Variants in PTPRS observed in about 807,000 individuals in gnomAD.
PTPRS encodes receptor-type tyrosine-protein phosphatase S.
Under a neutral mutation model 215.3 loss-of-function variants are expected in PTPRS, and 63 were observed. The ratio of observed to expected loss-of-function variants is 0.29; its 90% confidence interval spans 0.24 to 0.36. The LOEUF (loss-of-function observed/expected upper bound fraction) is 0.36. Among genes scored for constraint, PTPRS ranks in the 10% least tolerant of loss-of-function variants. The probability of loss-of-function intolerance (pLI) is 1.00; values close to 1 mark genes in which losing one functional copy is unlikely to be tolerated. For missense variants in PTPRS, 2,258 were observed against 2,825.8 expected, an observed-to-expected ratio of 0.80 and a Z score of 4.56; for synonymous variants, 1,404 against 1,191.4, an observed-to-expected ratio of 1.18 and a Z score of -3.68.
intron 9 of PTPRS, 102 bp from the exon 10 acceptor site, chr19:5,246,147 G>A: frequency 1.7e-6 from 1 of 593,130 alleles, no homozygotes; most frequent in South Asian, 7.1e-5. Flanking sequence ...AAGAAAAGCA[G>A]GAAGGAAGAA....
intron 17 of PTPRS, among the ~76,000 whole-genome samples, chr19:5,224,546 A>C (rs958399085): frequency 6.6e-6 from 1 of 152,186 alleles, no homozygotes; most frequent in African/African-American, 2.4e-5. Context: ...GGATCAGGCA[A>C]AGAAGGGGGA....
chr19:5,272,627 A>G (rs1337650933), intron 4 of PTPRS, among the ~76,000 whole-genome samples: 1 of 130,732 alleles, frequency 7.6e-6, no homozygotes, highest in African/African-American at 2.9e-5. Flanking sequence ...AAAAAAAAAA[A>G]AAAAAAAAAA....
chr19:5,335,667 G>A (rs1380420214), intron 1 of PTPRS, among the ~76,000 whole-genome samples: 1 of 152,164 alleles, frequency 6.6e-6, no homozygotes, highest in Non-Finnish European at 1.5e-5. Context: ...AACATAAAGA[G>A]TACGAGATGA....
At chr19:5,272,073 C>T (rs1383260529) in intron 4 of PTPRS, among the ~76,000 whole-genome samples, 1 of 152,078 alleles carries the variant, frequency 6.6e-6, no homozygotes, top group Non-Finnish European at 1.5e-5. Context: ...GTTCATTAAC[C>T]TGCCCTAGGT....
chr19:5,212,673 G>T (rs1267296565), intron 30 of PTPRS, among the ~76,000 whole-genome samples, 182 bp from the exon 31 acceptor site: 1 of 152,238 alleles, frequency 6.6e-6, no homozygotes, highest in South Asian at 2.1e-4. Context: ...GAGAAACCTC[G>T]TCTCAACTAA....
At chr19:5,207,814 C>T (rs1163992733) in intron 37 of PTPRS, 108 bp downstream of exon 37, 3 of 1,500,560 alleles carry the variant, frequency 2.0e-6, no homozygotes, top group Non-Finnish European at 1.8e-6. Flanking sequence ...CCCACAGTGA[C>T]CCAGAGAGTC....
chr19:5,257,931 G>T lies in PTPRS; in HGVS notation c.706+86C>A. 2 of 1,198,894 alleles carry T rather than the reference G, an allele frequency of 1.7e-6. No homozygotes were observed. The highest frequency in any genetic ancestry group is 1.2e-6 in the Non-Finnish European group (1 of 833,694). The allele number at this position is 1,198,894 out of a possible 1,614,324, so 74.3% of individuals were successfully genotyped here. A position where few individuals can be genotyped will look rare whatever the true frequency, so the allele number is the denominator to read the frequency against. On this transcript the variant is annotated intron_variant, in intron 8 of 37. Transcript: ENST00000262963. The surrounding 1 kb of genome is among the most constrained non-coding windows in gnomAD (Gnocchi z 4.4). Reference sequence around the variant, plus strand: ...TCCTGCTTGGGTGTGCAGGGGACGGGGGAGCCCGGAGGCGGTGAGCCCGAG... The same window carrying T: ...TCCTGCTTGGGTGTGCAGGGGACGGTGGAGCCCGGAGGCGGTGAGCCCGAG...
intron 13 of PTPRS, among the ~76,000 whole-genome samples, 162 bp downstream of exon 13, chr19:5,238,757 C>T (rs1022653809): frequency 3.3e-5 from 5 of 152,234 alleles, no homozygotes; most frequent in African/African-American, 1.2e-4. Flanking sequence ...TGAGGCACAG[C>T]GCGGGTAGAT....
In PTPRS at chr19:5,220,360, G is replaced by C; in HGVS notation, c.3456-7C>G. Reference sequence around the variant, plus strand: ...CATCACAATGAAATAGCTCCTGTAGGGAGATGGGAAAGAGTCAGAGGGGCT... The same window carrying C: ...CATCACAATGAAATAGCTCCTGTAGCGAGATGGGAAAGAGTCAGAGGGGCT... On this transcript the variant is annotated splice_polypyrimidine_tract_variant and splice_region_variant and intron_variant, in intron 20 of 37. Transcript: ENST00000262963. 1 of 1,611,414 alleles carries C rather than the reference G, an allele frequency of 6.2e-7. No homozygotes were observed. The highest frequency in any genetic ancestry group is 1.1e-5 in the South Asian group (1 of 90,702).
At chr19:5,213,517 G>A (rs1223930281) in intron 30 of PTPRS, among the ~76,000 whole-genome samples, 1 of 152,158 alleles carries the variant, frequency 6.6e-6, no homozygotes, top group Non-Finnish European at 1.5e-5. Context: ...AAGCTTTCTT[G>A]ACATTTCATA....
At chr19:5,333,017 C>T (rs1350668553) in intron 1 of PTPRS, among the ~76,000 whole-genome samples, 3 of 151,580 alleles carry the variant, frequency 2.0e-5, no homozygotes, top group Admixed American at 6.6e-5. Context: ...GATGTGGTGG[C>T]GGGTGCCTGT....
rs10401149 is a variant in PTPRS at position 5,214,862 on chromosome 19, C to T, written c.4319-126G>A. 5,968 of 999,656 alleles carry T rather than the reference C, an allele frequency of 6.0e-3. 252 individuals carry two copies. The African/African-American group carries it at 0.085, about 14-fold the overall frequency. The allele number at this position is 999,656 out of a possible 1,614,324, so 61.9% of individuals were successfully genotyped here. A position where few individuals can be genotyped will look rare whatever the true frequency, so the allele number is the denominator to read the frequency against. On this transcript the variant is annotated intron_variant, in intron 28 of 37. Coordinates refer to ENST00000262963, the MANE Select transcript of PTPRS (RefSeq NM_002850.4). The stretch of plus-strand genomic sequence containing the variant: ...GATTGTCCCCAAGGTGACCATGGGA[C>T]GTGTACTTCACAGTTTCTCCCCCTC...
Position 5,206,394 on chromosome 19 carries a change from G to A in PTPRS, c.*380C>T. On this transcript the variant is annotated 3_prime_UTR_variant, in exon 38 of 38. Coordinates refer to ENST00000262963, the MANE Select transcript of PTPRS (RefSeq NM_002850.4). The stretch of plus-strand genomic sequence containing the variant: ...CTGCAGAGCGGGGAGGAGCCCCCCG[G>A]GTCCCCCTACCACCGCTGGGGGAGG... 1 of 255,054 alleles carries A rather than the reference G, an allele frequency of 3.9e-6. No homozygotes were observed. Among genetic ancestry groups the A allele is most frequent in the Non-Finnish European group, 7.5e-6 (1 of 132,656 alleles). 15.8% of individuals were successfully genotyped at this position (255,054 alleles called of 1,614,324 possible).
At chr19:5,208,438 T>G in intron 35 of PTPRS, 47 bp from the exon 36 acceptor site, 1 of 1,450,890 alleles carries the variant, frequency 6.9e-7, no homozygotes, top group Non-Finnish European at 9.2e-7. Context: ...GCAGCGGCCA[T>G]GGGGGTTTTT....
At chr19:5,286,366 A>G (rs1253667182) in intron 1 of PTPRS, 132 bp from the exon 2 acceptor site, 1 of 561,194 alleles carries the variant, frequency 1.8e-6, no homozygotes, top group East Asian at 3.0e-5. Context: ...ATGGGGAAGG[A>G]TCATGGGGTG....
intron 1 of PTPRS, among the ~76,000 whole-genome samples, chr19:5,324,048 G>A (rs1387858653): frequency 1.3e-5 from 2 of 151,946 alleles, no homozygotes; most frequent in African/African-American, 2.4e-5. Flanking sequence ...TGGCCAACAT[G>A]GTGAAACCCC....
At chr19:5,324,250 AAG>A (rs1158093568) in intron 1 of PTPRS, among the ~76,000 whole-genome samples, 2 of 148,292 alleles carry the variant, frequency 1.3e-5, no homozygotes, top group African/African-American at 5.0e-5. Context: ...AAAAAAAAAA[AAG>A]AAAGAAAAAA....
chr19:5,275,376 T>C (rs2047272937), intron 2 of PTPRS, among the ~76,000 whole-genome samples: 1 of 144,716 alleles, frequency 6.9e-6, no homozygotes, highest in African/African-American at 2.5e-5. Flanking sequence ...AGCCTTCTTT[T>C]CTTTTTCTTT....
rs1035380921 is a variant in PTPRS, at chr19:5,339,056, C to A, written c.-95+1608G>T. Among the ~76,000 whole-genome samples the A allele has an allele frequency of 6.6e-6, 1 of 152,198 alleles. No individual in the cohort carries two copies. The highest frequency in any genetic ancestry group is 6.5e-5 in the Admixed American group (1 of 15,286). ...CCTGCCTCCTCCGGCTTCTAGGTAT[C>A]ATCCCTGCTGCTCAGCCGGGACTCC... On this transcript the variant is annotated intron_variant, in intron 1 of 37. Transcript: ENST00000262963. The surrounding 1 kb of genome is among the most constrained non-coding windows in gnomAD (Gnocchi z 4.2).
Sources: gnomAD v4.1 joint callset for allele counts (sites outside exome capture counted in the v4.1 genomes callset) on GRCh38, gnomAD v4.1.1 for gene constraint, Gnocchi (gnomAD v3.1) non-coding constraint, MANE v1.5 for transcripts, NCBI Gene and HGNC (gene_info 2026-07-23, HGNC 2026-07-21) for gene names.